THAP4: variants seen among roughly 807,000 people sequenced by gnomAD.
THAP4 encodes peroxynitrite isomerase THAP4.
A neutral mutation model predicts 48.1 loss-of-function variants in THAP4; 18 were observed. That is an observed-to-expected ratio of 0.37 (90% CI 0.26 to 0.56). The LOEUF (loss-of-function observed/expected upper bound fraction) is 0.56. Among genes scored for constraint, THAP4 ranks in the 20% least tolerant of loss-of-function variants. THAP4 has a pLI of 0.78. For missense variants in THAP4, 656 were observed against 774.9 expected (o/e 0.85, Z 1.82); for synonymous variants, 345 against 324.9 (o/e 1.06, Z -0.66).
chr2:241,604,077 T>G (rs2125077969), intron 3 of THAP4, among the ~76,000 whole-genome samples: 1 of 152,106 alleles, frequency 6.6e-6, no homozygotes, highest in Middle Eastern at 3.4e-3. Flanking sequence ...TCCATCTCTA[T>G]GATTCTTAGA....
At chr2:241,604,967 C>A (rs1452500885) in intron 3 of THAP4, among the ~76,000 whole-genome samples, 5 of 152,238 alleles carry the variant, frequency 3.3e-5, no homozygotes, top group Admixed American at 6.5e-5. Context: ...CTAGGACACA[C>A]ACACAAACAC....
At chr2:241,599,504 A>T (rs1485340943) in intron 5 of THAP4, among the ~76,000 whole-genome samples, 1 of 152,206 alleles carries the variant, frequency 6.6e-6, no homozygotes, top group Non-Finnish European at 1.5e-5. Context: ...TTAAATGGGA[A>T]AAAATCTATT....
At chr2:241,637,574 C>G, upstream of THAP4, 1 of 1,510,376 alleles carries the variant, frequency 6.6e-7, no homozygotes, top group Non-Finnish European at 8.8e-7. Flanking sequence ...GCGGCTCCCG[C>G]GTATTTCCGC....
In THAP4 at chr2:241,606,466, G is replaced by C; in HGVS notation, c.1248C>G (p.Pro416=). 6.2e-7 allele frequency: 1 copy of C among 1,603,056 alleles called. No homozygotes were observed. The highest frequency in any genetic ancestry group is 1.1e-5 in the South Asian group (1 of 89,178). Residue 416 remains proline (P), a synonymous_variant, in exon 3 of 6, where the codon CCC becomes CCG. Transcript: ENST00000407315. ...GTGGCTCCACCACTGGGTTCATCTT[G>C]GGGGGCTCTGAGGACAAAAGAATGA... is the stretch of plus-strand genomic sequence containing the variant. ...SSLLSPSREP[P]KMNPVVEPLS...
chr2:241,637,064 C>G lies in THAP4; in HGVS notation c.-47G>C, dbSNP rs1343389692. ...GCAGCCAGGCCCCGGCCCTAGCCGC[C>G]CGCCCGCCCGCGGACCGCCCCGAGG... On this transcript the variant is annotated 5_prime_UTR_variant, in exon 1 of 6. Coordinates refer to ENST00000407315, the MANE Select transcript of THAP4 (RefSeq NM_015963.6). 5.1e-5 allele frequency: 57 copies of G among 1,111,102 alleles called. No homozygotes were observed. The highest frequency in any genetic ancestry group is 6.3e-5 in the Non-Finnish European group (57 of 904,350). 68.8% of individuals were successfully genotyped at this position (1,111,102 alleles called of 1,614,324 possible). A position where few individuals can be genotyped will look rare whatever the true frequency, so the allele number is the denominator to read the frequency against.
chr2:241,636,718 G>A (rs1016916117), intron 1 of THAP4, among the ~76,000 whole-genome samples: 44 of 151,762 alleles, frequency 2.9e-4, no homozygotes, highest in East Asian at 1.9e-4. Context: ...ATCGCGCGCA[G>A]GGCGGACCCA....
intron 5 of THAP4, among the ~76,000 whole-genome samples, chr2:241,600,104 G>T (rs931901436): frequency 5.9e-5 from 9 of 152,198 alleles, no homozygotes; most frequent in African/African-American, 2.2e-4. Flanking sequence ...GCTGAGGCAG[G>T]AGAATCACCT....
At chr2:241,584,832 G>T in intron 5 of THAP4, 107 bp from the exon 6 acceptor site, 1 of 1,431,106 alleles carries the variant, frequency 7.0e-7, no homozygotes, top group Non-Finnish European at 9.7e-7. Flanking sequence ...CTGTGAGCCA[G>T]GCAGTGGCCC....
chr2:241,635,835 T>C (rs1167003098), intron 1 of THAP4, among the ~76,000 whole-genome samples: 2 of 151,932 alleles, frequency 1.3e-5, no homozygotes, highest in African/African-American at 4.8e-5. Context: ...GGGTGGTCAG[T>C]TCTAACTGCT....
At chr2:241,619,601 C>G (rs549155473) in intron 2 of THAP4, among the ~76,000 whole-genome samples, 1 of 152,328 alleles carries the variant, frequency 6.6e-6, no homozygotes, top group Admixed American at 6.5e-5. Flanking sequence ...AAATGGTTCA[C>G]CTGCATAAGG....
rs1473935567 is a variant in THAP4, at chr2:241,610,837, G to A, written c.1241-4364C>T. Among the ~76,000 whole-genome samples the A allele has an allele frequency of 6.6e-6, 1 of 151,818 alleles. No homozygotes were observed. The highest frequency in any genetic ancestry group is 1.5e-5 in the Non-Finnish European group (1 of 67,998). Reference sequence around the variant, plus strand: ...GACGGGACGGGGACAGAGACACAGAGACAGAGAGACAGGGCCAGAGAGACA... The same window carrying A: ...GACGGGACGGGGACAGAGACACAGAAACAGAGAGACAGGGCCAGAGAGACA... On this transcript the variant is annotated intron_variant, in intron 2 of 5. Transcript: ENST00000407315. The surrounding 1 kb of genome is among the most constrained non-coding windows in gnomAD (Gnocchi z 4.2).
At chr2:241,635,970 C>T (rs956712201) in intron 1 of THAP4, among the ~76,000 whole-genome samples, 1 of 152,030 alleles carries the variant, frequency 6.6e-6, no homozygotes, top group African/African-American at 2.4e-5. Context: ...AAAGGTACCC[C>T]CCCACCCCCA....
In THAP4 at chr2:241,633,695, T is replaced by C; in HGVS notation, c.462A>G (p.Thr154=). 1 of 1,611,542 alleles carries C rather than the reference T, an allele frequency of 6.2e-7. No individual in the cohort carries two copies. ...TGGCGGCCTCCTGGGCCGCCCTGGG[T>C]GTGGCTTCACCTTGCAGAGCAGCTT... ...LKQAALQGEA[T]PRAAQEAASQ... is the part of the protein sequence containing the mutation. The change falls in exon 2 of 6, where the codon ACA becomes ACG. Residue 154 remains threonine, a synonymous_variant. Coordinates refer to ENST00000407315, the MANE Select transcript of THAP4 (RefSeq NM_015963.6). The surrounding 1 kb of genome is among the most constrained non-coding windows in gnomAD (Gnocchi z 7.5).
intron 5 of THAP4, among the ~76,000 whole-genome samples, chr2:241,600,835 C>T (rs749281329): frequency 1.3e-5 from 2 of 151,972 alleles, no homozygotes; most frequent in African/African-American, 4.8e-5. Flanking sequence ...AAGGAAACAG[C>T]CCAGAGGCAA....
chr2:241,604,804 C>T (rs1360145122), intron 3 of THAP4, among the ~76,000 whole-genome samples: 5 of 150,868 alleles, frequency 3.3e-5, no homozygotes, highest in Non-Finnish European at 7.4e-5. Context: ...GTGATCCACC[C>T]GCCTTGGCCT....
At chr2:241,587,329 C>T (rs867175027) in intron 5 of THAP4, among the ~76,000 whole-genome samples, 141 of 152,252 alleles carry the variant, frequency 9.3e-4, no homozygotes, top group African/African-American at 3.3e-3. Context: ...CCTTGGACAC[C>T]TCCAGGCCCC....
At chr2:241,594,303 GC>G (rs1240286626) in intron 5 of THAP4, among the ~76,000 whole-genome samples, 1 of 152,168 alleles carries the variant, frequency 6.6e-6, no homozygotes, top group Non-Finnish European at 1.5e-5. Context: ...AAATGTTCTG[GC>G]CAGGGGTTGT....
rs986019841 is a variant in THAP4, at chr2:241,612,792, A to G, written c.1241-6319T>C. ...GGCAGAAGACGCTAGAGTCACACGT[A>G]GAAGGCGCATGAGGAGGGAAGGTGA... On this transcript the variant is annotated intron_variant, in intron 2 of 5. Coordinates refer to ENST00000407315, the MANE Select transcript of THAP4 (RefSeq NM_015963.6). The surrounding 1 kb of genome is among the most constrained non-coding windows in gnomAD (Gnocchi z 4.1). Among the ~76,000 whole-genome samples the G allele has an allele frequency of 6.6e-6, 1 of 152,210 alleles. No homozygotes were observed. The highest frequency in any genetic ancestry group is 2.4e-5 in the African/African-American group (1 of 41,458).
At chr2:241,608,353 T>C (rs1045161729) in intron 2 of THAP4, among the ~76,000 whole-genome samples, 2 of 152,216 alleles carry the variant, frequency 1.3e-5, no homozygotes, top group African/African-American at 4.8e-5. Context: ...TTTTCCAGAC[T>C]GGCCTGTGGT....
Sources: allele counts gnomAD v4.1 joint callset (sites outside exome capture counted in the v4.1 genomes callset), GRCh38; gene constraint gnomAD v4.1.1; non-coding constraint Gnocchi (gnomAD v3.1); transcripts MANE v1.5; gene names NCBI Gene and HGNC (gene_info 2026-07-23, HGNC 2026-07-21).